MORC3: variants seen among roughly 807,000 people sequenced by gnomAD.
MORC3 encodes MORC family CW-type zinc finger protein 3.
Under a neutral mutation model 109.1 loss-of-function variants are expected in MORC3, and 31 were observed. The ratio of observed to expected loss-of-function variants is 0.28; its 90% CI spans 0.21 to 0.38. The LOEUF (loss-of-function observed/expected upper bound fraction) is 0.38, where lower values mean the gene tolerates loss of function less well. Ranked by LOEUF, MORC3 falls within the 10% of genes least tolerant of loss-of-function variation. The pLI is 1.00. For missense variants in MORC3, 867 were observed against 1,135.8 expected (o/e 0.76, Z 3.40); for synonymous variants, 395 against 380.7 (o/e 1.04, Z -0.44).
chr21:36,343,118 G>A (rs548851328), intron 6 of MORC3, among the ~76,000 whole-genome samples: 15 of 152,042 alleles, frequency 9.9e-5, no homozygotes, highest in African/African-American at 3.6e-4. Flanking sequence ...TGTTTGAGAC[G>A]GAGTTTTGTT....
Position 36,365,912 on chromosome 21 carries a change from A to G in MORC3, c.1619+1653A>G, listed in dbSNP as rs955141081. ...GCTCTTTATAACCTGTGTATTGGAC[A>G]CTCATTTTGGAGCTGGATTGCTACT... On this transcript the variant is annotated intron_variant, in intron 14 of 16. Coordinates refer to ENST00000400485, the MANE Select transcript of MORC3 (RefSeq NM_015358.3). 3.3e-5 allele frequency among the ~76,000 whole-genome samples: 5 copies of G among 151,962 alleles called. No individual in the cohort carries two copies. The East Asian group carries it at 9.6e-4, about 29-fold the overall frequency.
At chr21:36,329,328 T>C (rs561473767) in intron 1 of MORC3, among the ~76,000 whole-genome samples, 22 of 152,110 alleles carry the variant, frequency 1.4e-4, no homozygotes, top group African/African-American at 5.3e-4. Flanking sequence ...GTTTACAAAT[T>C]TGTGTTGGGC....
Position 36,369,832 on chromosome 21 carries a change from C to T in MORC3, c.2464C>T (p.Gln822Ter). 1 of 1,613,768 alleles carries T rather than the reference C, an allele frequency of 6.2e-7. No individual in the cohort carries two copies. The highest frequency in any genetic ancestry group is 8.5e-7 in the Non-Finnish European group (1 of 1,180,026). The change falls in exon 15 of 17, where the codon CAA (glutamine) becomes TAA (stop). Residue 822 changes from glutamine (Q) to a stop codon, truncating the protein, a stop_gained. Coordinates refer to ENST00000400485, the MANE Select transcript of MORC3 (RefSeq NM_015358.3). LOFTEE classifies it high-confidence loss of function. ...TGTGCAGCTTGACGATGTGTTTAGA[C>T]AACTGGACAAATGCAGTATTGAGAG... The part of the protein sequence containing the change: ...MAVQLDDVFR[Q>*]LDKCSIERDQ...
intron 13 of MORC3, 112 bp from the exon 14 acceptor site, chr21:36,363,961 CAAGGAATTTACATGTTTGGA>C: frequency 1.0e-6 from 1 of 972,346 alleles, no homozygotes; most frequent in Non-Finnish European, 1.5e-6. Flanking sequence ...TGGTATAGCA[CAAGGAATTTACATGTTTGGA>C]ATTGTTTTTG....
At chr21:36,324,798 C>G (rs531719380) in intron 1 of MORC3, among the ~76,000 whole-genome samples, 1 of 150,000 alleles carries the variant, frequency 6.7e-6, no homozygotes, top group East Asian at 2.0e-4. Context: ...ATCTCCACTT[C>G]CCAGGTTCAA....
At chr21:36,360,351 GC>G in intron 12 of MORC3, 93 bp downstream of exon 12, 1 of 1,284,942 alleles carries the variant, frequency 7.8e-7, no homozygotes. Context: ...CCAAGGTAAA[GC>G]ACCTGTAACT....
At chr21:36,324,739 C>G (rs542554510) in intron 1 of MORC3, among the ~76,000 whole-genome samples, 1 of 136,946 alleles carries the variant, frequency 7.3e-6, no homozygotes, top group Non-Finnish European at 1.6e-5. Flanking sequence ...GGGAGTTTCA[C>G]TCTTGTTGCC....
At chr21:36,330,370 C>G (rs557480027) in intron 1 of MORC3, among the ~76,000 whole-genome samples, 11 of 152,296 alleles carry the variant, frequency 7.2e-5, no homozygotes, top group South Asian at 2.1e-4. Flanking sequence ...CTCTGTTGAT[C>G]CCAGGTCCTT....
Position 36,352,871 on chromosome 21 carries a change from C to T in MORC3, c.1103+3463C>T, listed in dbSNP as rs190521498. Among the ~76,000 whole-genome samples, 383 of 150,630 alleles carry T rather than the reference C, an allele frequency of 2.5e-3. 2 individuals are homozygous for T. Among genetic ancestry groups the T allele is most frequent in the Non-Finnish European group, 4.3e-3 (290 of 67,716 alleles). ...TGTAGTCCCAGCTACTCAGGATGCTCGAGGCAGAATGATCATGTGAGCCTA... is the reference window on the plus strand; with the variant it reads ...TGTAGTCCCAGCTACTCAGGATGCTTGAGGCAGAATGATCATGTGAGCCTA... On this transcript the variant is annotated intron_variant, in intron 9 of 16. Transcript: ENST00000400485.
At chr21:36,371,816 T>TTTTG (rs1491559388) in intron 15 of MORC3, among the ~76,000 whole-genome samples, 2 of 110,954 alleles carry the variant, frequency 1.8e-5, no homozygotes, top group African/African-American at 1.2e-4. Context: ...TTTTGTTTTG[T>TTTTG]TTTTTTTTTT....
At chr21:36,365,339 A>G (rs1193582793) in intron 14 of MORC3, among the ~76,000 whole-genome samples, 1 of 152,210 alleles carries the variant, frequency 6.6e-6, no homozygotes, top group African/African-American at 2.4e-5. Flanking sequence ...AAGACAAGTG[A>G]AGAAGAATGA....
At chr21:36,342,809 A>G (rs563097689) in intron 6 of MORC3, among the ~76,000 whole-genome samples, 185 of 151,952 alleles carry the variant, frequency 1.2e-3, no homozygotes, top group East Asian at 0.01. Flanking sequence ...ACCTGAGGTC[A>G]GGAGTTGGAG....
Position 36,341,491 on chromosome 21 carries a change from A to T in MORC3, c.701A>T (p.Tyr234Phe), listed in dbSNP as rs774791584. Residue 234 changes from tyrosine to phenylalanine, a missense_variant, in exon 6 of 17, where the codon TAC becomes TTC. This residue lies in a region of MORC3 where 134 missense variants were observed against 166.6 expected (regional missense o/e 0.80). Transcript: ENST00000400485. ...DLDEITGKKG[Y>F]KKQERMDQIA... ...GATGAGATAACAGGGAAGAAGGGGT[A>T]CAAGAAGCAGGAAAGGATGGACCAG... The T allele has an allele frequency of 6.2e-7, 1 of 1,614,174 alleles. No individual in the cohort carries two copies. Among genetic ancestry groups the T allele is most frequent in the Non-Finnish European group, 8.5e-7 (1 of 1,180,012 alleles).
chr21:36,349,540 G>A (rs2085548172), intron 9 of MORC3, 132 bp downstream of exon 9: 3 of 513,392 alleles, frequency 5.8e-6, no homozygotes, highest in Admixed American at 4.2e-5. Flanking sequence ...TACTACTTGT[G>A]ATGGTGTAGG....
At chr21:36,333,496 T>C (rs2085338181) in intron 1 of MORC3, 150 bp from the exon 2 acceptor site, 2 of 637,106 alleles carry the variant, frequency 3.1e-6, no homozygotes, top group African/African-American at 3.7e-5. Flanking sequence ...TCGTATATTC[T>C]AGATTGTATC....
intron 6 of MORC3, 71 bp from the exon 7 acceptor site, chr21:36,344,507 CT>C (rs2085486487): frequency 1.3e-6 from 2 of 1,489,610 alleles, no homozygotes; most frequent in Admixed American, 4.1e-5. Flanking sequence ...AGGAGAGCTT[CT>C]GTGTAAATCC....
intron 3 of MORC3, 77 bp from the exon 4 acceptor site, chr21:36,337,655 A>C (rs2085389065): frequency 2.0e-6 from 2 of 1,023,388 alleles, no homozygotes; most frequent in Admixed American, 6.9e-5. Context: ...ATTAAAAAAA[A>C]AGATTATAGG....
intron 14 of MORC3, among the ~76,000 whole-genome samples, chr21:36,368,544 C>T (rs573314993): frequency 1.3e-5 from 2 of 152,228 alleles, no homozygotes; most frequent in African/African-American, 2.4e-5. Flanking sequence ...CTATACAATG[C>T]GTCACTTTAA....
intron 5 of MORC3, among the ~76,000 whole-genome samples, chr21:36,341,117 TA>T (rs1479893904): frequency 6.6e-6 from 1 of 152,208 alleles, no homozygotes; most frequent in Non-Finnish European, 1.5e-5. Flanking sequence ...TCTAGAAGTG[TA>T]ATTGCTGTAT....
Sources: gnomAD v4.1 joint callset for allele counts (sites outside exome capture counted in the v4.1 genomes callset) on GRCh38, gnomAD v4.1.1 for gene constraint, gnomAD v4.1.1 regional missense constraint, MANE v1.5 for transcripts, NCBI Gene and HGNC (gene_info 2026-07-23, HGNC 2026-07-21) for gene names.